The following NSMAF variants were observed in gnomAD, a reference collection of about 807,000 sequenced individuals.
The protein encoded by NSMAF is neutral sphingomyelinase activation associated factor, also known as protein FAN.
NSMAF carries 90 observed loss-of-function variants against 134.9 expected under a neutral mutation model. The observed-to-expected ratio is 0.67, with a 90% CI of 0.56 to 0.79. NSMAF has a LOEUF of 0.79. Among genes scored for constraint, NSMAF ranks in the 30% least tolerant of loss-of-function variants. NSMAF has a pLI of 0.00. For synonymous variants in NSMAF, 358 were observed against 389.6 expected (o/e 0.92, Z 0.96); for missense variants, 1,010 against 1,119.0 (o/e 0.90, Z 1.39).
At chr8:58,599,914 T>G (rs2129140874) in intron 17 of NSMAF, 44 bp from the exon 18 acceptor site, 1 of 1,613,384 alleles carries the variant, frequency 6.2e-7, no homozygotes, top group Non-Finnish European at 8.5e-7. Flanking sequence ...CAAACATGTT[T>G]TAAAGCAGTT....
At chr8:58,587,050 C>T (rs555149252) in intron 27 of NSMAF, among the ~76,000 whole-genome samples, 2 of 152,330 alleles carry the variant, frequency 1.3e-5, no homozygotes, top group Admixed American at 1.3e-4. Context: ...TCAAACTCAG[C>T]TAATCTGAAG....
At chr8:58,611,830 A>G (rs1806535993) in intron 9 of NSMAF, among the ~76,000 whole-genome samples, 1 of 152,246 alleles carries the variant, frequency 6.6e-6, no homozygotes, top group Admixed American at 6.5e-5. Flanking sequence ...ATAACTGATT[A>G]TAAAAGAAAA....
chr8:58,617,274 G>A (rs796545350), intron 9 of NSMAF, among the ~76,000 whole-genome samples: 2 of 152,010 alleles, frequency 1.3e-5, no homozygotes, highest in East Asian at 1.9e-4. Context: ...ACTAAAACAC[G>A]AAAAGCAATG....
At chr8:58,647,503 G>A (rs149258877) in intron 1 of NSMAF, among the ~76,000 whole-genome samples, 7 of 151,864 alleles carry the variant, frequency 4.6e-5, no homozygotes, top group South Asian at 4.1e-4. Flanking sequence ...GATTCCCAAC[G>A]TTGAAGGTGG....
intron 25 of NSMAF, 163 bp downstream of exon 25, chr8:58,589,844 T>A: frequency 1.6e-6 from 1 of 618,818 alleles, no homozygotes; most frequent in East Asian, 3.1e-5. Context: ...ATCTAAGCAA[T>A]CATATTCAAA....
At chr8:58,636,941 C>T (rs1315120387) in intron 2 of NSMAF, among the ~76,000 whole-genome samples, 2 of 152,054 alleles carry the variant, frequency 1.3e-5, no homozygotes, top group Non-Finnish European at 2.9e-5. Context: ...ATGCTTGATT[C>T]TTTACCTTTA....
In NSMAF at chr8:58,659,729, G is replaced by C. The variant is rs1383166239; in HGVS notation, c.-98C>G. ...GCCGGGGAGGGCGGGATTGGTGGCC[G>C]GCTGGGGAGCGCGCGGCTGCCGGCC... On this transcript the variant is annotated 5_prime_UTR_variant, in exon 1 of 31. Transcript: ENST00000038176. 4.4e-5 allele frequency: 44 copies of C among 993,364 alleles called. No homozygotes were observed. Among genetic ancestry groups the C allele is most frequent in the Non-Finnish European group, 5.6e-5 (43 of 767,304 alleles). 61.5% of individuals were successfully genotyped at this position (993,364 alleles called of 1,614,324 possible). A position where few individuals can be genotyped will look rare whatever the true frequency, so the allele number is the denominator to read the frequency against.
intron 19 of NSMAF, 21 bp from the exon 20 acceptor site, chr8:58,597,923 A>T (rs756697932): frequency 6.3e-7 from 1 of 1,580,496 alleles, no homozygotes; most frequent in East Asian, 2.2e-5. Flanking sequence ...CATACAAAAC[A>T]CTATTGAAAG....
chr8:58,619,335 T>C (rs530727624), intron 9 of NSMAF, among the ~76,000 whole-genome samples: 216 of 152,214 alleles, frequency 1.4e-3, no homozygotes, highest in African/African-American at 4.8e-3. Flanking sequence ...AAGGTAGCAA[T>C]AAAATAGAAT....
intron 22 of NSMAF, 25 bp downstream of exon 22, chr8:58,595,535 T>C: frequency 6.5e-7 from 1 of 1,529,078 alleles, no homozygotes; most frequent in Non-Finnish European, 9.1e-7. Flanking sequence ...TATCAGCTGC[T>C]GAGAAGAAGC....
At chr8:58,591,406 A>G (rs994916671) in intron 23 of NSMAF, among the ~76,000 whole-genome samples, 1 of 151,846 alleles carries the variant, frequency 6.6e-6, no homozygotes. Flanking sequence ...GAAGGGAACC[A>G]CTGACTTTCT....
intron 19 of NSMAF, among the ~76,000 whole-genome samples, chr8:58,598,490 C>CAAAAAAAAAAAAAAAAAAAAAAAAAA (rs71250204): frequency 7.9e-6 from 1 of 125,952 alleles, no homozygotes; most frequent in Non-Finnish European, 1.7e-5. Flanking sequence ...CTGTCTCAAA[C>CAAAAAAAAAAAAAAAAAAAAAAAAAA]AAAAAAAAAA....
In NSMAF at chr8:58,601,432, T is replaced by C. The variant is rs1443887421; in HGVS notation, c.1216+13A>G. Reference sequence around the variant, plus strand: ...AATAAAATTTAATTGGGGGTAATGATAAAGAATCTTACCAATCCTAACAAG... The same window carrying C: ...AATAAAATTTAATTGGGGGTAATGACAAAGAATCTTACCAATCCTAACAAG... On this transcript the variant is annotated intron_variant, in intron 15 of 30. Coordinates refer to ENST00000038176, the MANE Select transcript of NSMAF (RefSeq NM_003580.4). The C allele has an allele frequency of 6.2e-7, 1 of 1,612,206 alleles. No individual in the cohort carries two copies. Among genetic ancestry groups the C allele is most frequent in the Admixed American group, 1.7e-5 (1 of 59,806 alleles).
chr8:58,639,792 C>A (rs1241502143), intron 2 of NSMAF, among the ~76,000 whole-genome samples: 1 of 152,052 alleles, frequency 6.6e-6, no homozygotes, highest in African/African-American at 2.4e-5. Flanking sequence ...TACATACACA[C>A]AATGGAATAT....
rs190599406 is a variant in NSMAF at position 58,648,851 on chromosome 8, C to T, written c.60-5778G>A. On this transcript the variant is annotated intron_variant, in intron 1 of 30. Coordinates refer to ENST00000038176, the MANE Select transcript of NSMAF (RefSeq NM_003580.4). ...GGATGTGTGAAAAGGCCTGGAATCC[C>T]GGGCAGAAGCCTGCTACAAGGATGG... Among the ~76,000 whole-genome samples, 88 of 152,352 alleles carry T rather than the reference C, an allele frequency of 5.8e-4. 1 individual carries two copies. Among genetic ancestry groups the T allele is most frequent in the Non-Finnish European group, 1.9e-4 (13 of 68,020 alleles).
intron 2 of NSMAF, among the ~76,000 whole-genome samples, chr8:58,638,854 T>C (rs1178139373): frequency 1.3e-5 from 2 of 152,078 alleles, no homozygotes; most frequent in Admixed American, 6.6e-5. Flanking sequence ...TGGGAGAAAA[T>C]AGTTGAAAAC....
rs776524703 is a variant in NSMAF at position 58,584,152 on chromosome 8, G to A, written c.2708C>T (p.Thr903Ile). ...TATAATTTGTCTGTCTTCCCCTCCT[G>A]TGATGATACTGCTACACTGTTCATT... ...WMNEQCSSII[T>I]GGEDRQIIFW... Residue 903 changes from threonine to isoleucine, a missense_variant, in exon 31 of 31, where the codon ACA becomes ATA. Coordinates refer to ENST00000038176, the MANE Select transcript of NSMAF (RefSeq NM_003580.4). 1.2e-6 allele frequency: 2 copies of A among 1,613,688 alleles called. No homozygotes were observed. The highest frequency in any genetic ancestry group is 1.7e-6 in the Non-Finnish European group (2 of 1,179,648).
intron 5 of NSMAF, among the ~76,000 whole-genome samples, chr8:58,632,815 A>G (rs919210795): frequency 1.3e-5 from 2 of 152,098 alleles, no homozygotes; most frequent in African/African-American, 4.8e-5. Context: ...TAAATCTCAC[A>G]TCCTACTTGA....
At position 58,635,174 on chromosome 8, in the gene NSMAF, T is replaced by G; in HGVS notation, c.333+15A>C. 3 of 1,598,268 alleles carry G rather than the reference T, an allele frequency of 1.9e-6. No homozygotes were observed. The highest frequency in any genetic ancestry group is 1.7e-6 in the Non-Finnish European group (2 of 1,168,600). ...GTTCATTCAGATTAGGAAAAAATAT[T>G]TATTATGTGCTTACCTGACTGAAAA... On this transcript the variant is annotated intron_variant, in intron 5 of 30. Coordinates refer to ENST00000038176, the MANE Select transcript of NSMAF (RefSeq NM_003580.4).
Sources: gnomAD v4.1 joint callset for allele counts (sites outside exome capture counted in the v4.1 genomes callset) on GRCh38, gnomAD v4.1.1 for gene constraint, MANE v1.5 for transcripts, NCBI Gene and HGNC (gene_info 2026-07-23, HGNC 2026-07-21) for gene names.